FRYL: variants seen among roughly 807,000 people sequenced by gnomAD.
The protein encoded by FRYL is FRY like transcription coactivator, also known as protein furry homolog-like.
A neutral mutation model predicts 351.2 loss-of-function variants in FRYL; 150 were observed. That is an observed-to-expected ratio of 0.43 (90% CI 0.37 to 0.49). The LOEUF (loss-of-function observed/expected upper bound fraction) is 0.49. Among genes scored for constraint, FRYL ranks in the 20% least tolerant of loss-of-function variants. The pLI, the probability that FRYL is intolerant of heterozygous loss-of-function variation, is 0.00. For synonymous variants in FRYL, 1,153 were observed against 1,257.1 expected, an observed-to-expected ratio of 0.92 and a Z score of 1.75; for missense variants, 3,036 against 3,619.3, an observed-to-expected ratio of 0.84 and a Z score of 4.13.
At chr4:48,543,452 C>T (rs146753270) in intron 44 of FRYL, among the ~76,000 whole-genome samples, 362 of 152,244 alleles carry the variant, frequency 2.4e-3, no homozygotes, top group Admixed American at 3.3e-3. Context: ...TTCTCTAGTG[C>T]AACAGTTCAT....
At chr4:48,661,466 G>C (rs1578598876) in intron 3 of FRYL, among the ~76,000 whole-genome samples, 1 of 152,116 alleles carries the variant, frequency 6.6e-6, no homozygotes, top group African/African-American at 2.4e-5. Context: ...CCACAGTAGA[G>C]GTCCCCATTA....
chr4:48,722,449 A>G (rs886218341), intron 1 of FRYL, among the ~76,000 whole-genome samples: 4 of 152,178 alleles, frequency 2.6e-5, no homozygotes, highest in African/African-American at 4.8e-5. Flanking sequence ...CTCAAGCTAT[A>G]TTTTTCCATA....
At chr4:48,593,125 T>C (rs1255107589) in intron 16 of FRYL, among the ~76,000 whole-genome samples, 1 of 152,114 alleles carries the variant, frequency 6.6e-6, no homozygotes, top group African/African-American at 2.4e-5. Context: ...TGATTTTTTT[T>C]GGCATGGGGG....
At chr4:48,628,554 T>C (rs997389961) in intron 4 of FRYL, among the ~76,000 whole-genome samples, 11 of 151,692 alleles carry the variant, frequency 7.3e-5, no homozygotes, top group Admixed American at 7.2e-4. Flanking sequence ...GAGAGATTTG[T>C]TAAAGAATAC....
Position 48,521,081 on chromosome 4 carries a change from A to G in FRYL, c.7656T>C (p.Ala2552=). The change falls in exon 55 of 64, where the codon GCT becomes GCC. Residue 2552 remains alanine (A), a synonymous_variant. Coordinates refer to ENST00000358350, the MANE Select transcript of FRYL (RefSeq NM_015030.2). ...QIRDETPTLE[A]SLDNANSRLP... Reference sequence around the variant, plus strand: ...GCCGGCTGTTAGCATTATCTAGAGAAGCCTCCAAAGTTGGGGTCTCATCCC... The same window carrying G: ...GCCGGCTGTTAGCATTATCTAGAGAGGCCTCCAAAGTTGGGGTCTCATCCC... The G allele has an allele frequency of 6.2e-7, 1 of 1,613,280 alleles. No individual in the cohort carries two copies.
At chr4:48,693,590 C>T (rs1264935683) in intron 2 of FRYL, among the ~76,000 whole-genome samples, 1 of 149,610 alleles carries the variant, frequency 6.7e-6, no homozygotes, top group African/African-American at 2.5e-5. Flanking sequence ...TAGCTTCAAC[C>T]GTTGATACAA....
chr4:48,662,258 T>C (rs541686122), intron 3 of FRYL, among the ~76,000 whole-genome samples: 8 of 151,876 alleles, frequency 5.3e-5, no homozygotes, highest in African/African-American at 1.4e-4. Flanking sequence ...CTGGGCAACA[T>C]AGTGAGACTT....
chr4:48,631,043 G>A (rs1348173649), intron 4 of FRYL, among the ~76,000 whole-genome samples: 1 of 152,150 alleles, frequency 6.6e-6, no homozygotes, highest in African/African-American at 2.4e-5. Context: ...TAGATTAAAT[G>A]TATTTTCATT....
In FRYL at chr4:48,531,215, T is replaced by C; in HGVS notation, c.6844A>G (p.Asn2282Asp). 3 of 1,612,496 alleles carry C rather than the reference T, an allele frequency of 1.9e-6. No individual in the cohort carries two copies. The highest frequency in any genetic ancestry group is 2.5e-6 in the Non-Finnish European group (3 of 1,178,620). ...SPEISFTKIFNNVSKELPGKT... is the reference protein window; with the variant it reads ...SPEISFTKIFDNVSKELPGKT... ...CCAGGCAACTCCTTAGAAACATTAT[T>C]AAAAATTTTAGTGAAGGATATTTCA... Residue 2282 changes from asparagine (N) to aspartate (D), a missense_variant, in exon 50 of 64, where the codon AAT becomes GAT. Asn to Asp is a conservative substitution (Grantham distance 23, BLOSUM62 1). Around this residue, in one of 7 missense-constraint regions of FRYL, gnomAD observed 1,987 missense variants for 2,311.7 expected, o/e 0.86. Coordinates refer to ENST00000358350, the MANE Select transcript of FRYL (RefSeq NM_015030.2).
intron 2 of FRYL, among the ~76,000 whole-genome samples, chr4:48,709,007 C>T (rs1434242210): frequency 2.0e-5 from 3 of 150,744 alleles, no homozygotes; most frequent in Non-Finnish European, 2.9e-5. Flanking sequence ...CTGTAAGCTC[C>T]GCCTCCTGGG....
intron 1 of FRYL, among the ~76,000 whole-genome samples, chr4:48,771,497 A>G (rs1019630042): frequency 9.2e-5 from 14 of 152,230 alleles, no homozygotes; most frequent in Admixed American, 2.0e-4. Flanking sequence ...GAAGTAGACT[A>G]GCAAGTCATT....
intron 25 of FRYL, 120 bp from the exon 26 acceptor site, chr4:48,573,363 A>G: frequency 4.7e-6 from 3 of 636,954 alleles, no homozygotes; most frequent in Non-Finnish European, 8.1e-6. Flanking sequence ...TGTTTTAAAC[A>G]CAATGTCTAT....
At chr4:48,562,739 C>T in intron 32 of FRYL, 150 bp downstream of exon 32, 1 of 565,566 alleles carries the variant, frequency 1.8e-6, no homozygotes, top group Non-Finnish European at 3.2e-6. Context: ...TTGTCTTATA[C>T]TTCTAATAAT....
At position 48,564,118 on chromosome 4, in the gene FRYL, G is replaced by C; in HGVS notation, c.3442-16C>G. 3 of 1,612,026 alleles carry C rather than the reference G, an allele frequency of 1.9e-6. No individual in the cohort carries two copies. The highest frequency in any genetic ancestry group is 1.7e-6 in the Non-Finnish European group (2 of 1,179,386). ...GCTGGTGAACCTAGGTAAAGGTTGT[G>C]AAATTGCCCGAGAGAGAACGTTATA... On this transcript the variant is annotated splice_polypyrimidine_tract_variant and intron_variant, in intron 30 of 63. Transcript: ENST00000358350.
intron 2 of FRYL, among the ~76,000 whole-genome samples, chr4:48,700,636 T>TA (rs995861002): frequency 2.7e-5 from 4 of 150,246 alleles, no homozygotes; most frequent in South Asian, 2.1e-4. Flanking sequence ...ACCCCATCTC[T>TA]AAAAAAAATC....
intron 1 of FRYL, among the ~76,000 whole-genome samples, chr4:48,730,988 G>A (rs1479571996): frequency 9.9e-5 from 15 of 151,868 alleles, no homozygotes; most frequent in African/African-American, 3.6e-4. Context: ...CACGTGCAAC[G>A]CCACACATAG....
intron 8 of FRYL, 121 bp downstream of exon 8, chr4:48,609,622 GA>G (rs5858122): frequency 1.4e-3 from 512 of 362,222 alleles, no homozygotes; most frequent in South Asian, 2.0e-3. Context: ...CTTGCCTCAA[GA>G]AAAAAAAAAA....
At position 48,567,522 on chromosome 4, in the gene FRYL, C is replaced by T. The variant is rs1259562633; in HGVS notation, c.2997-102G>A. 1.2e-6 allele frequency: 1 copy of T among 808,364 alleles called. No homozygotes were observed. Among genetic ancestry groups the T allele is most frequent in the African/African-American group, 1.8e-5 (1 of 56,634 alleles). 50.1% of individuals were successfully genotyped at this position (808,364 alleles called of 1,614,324 possible). A position where few individuals can be genotyped will look rare whatever the true frequency, so the allele number is the denominator to read the frequency against. ...ATCAGAATAATACATGTTAATTTTG[C>T]ATGCTCATGGCAGCACGCAACTTAA... is the stretch of plus-strand genomic sequence containing the variant. On this transcript the variant is annotated intron_variant, in intron 27 of 63. Transcript: ENST00000358350. The surrounding 1 kb of genome is among the most constrained non-coding windows in gnomAD (Gnocchi z 4.2).
At chr4:48,601,862 G>C (rs1452296460) in intron 13 of FRYL, among the ~76,000 whole-genome samples, 158 bp downstream of exon 13, 1 of 152,050 alleles carries the variant, frequency 6.6e-6, no homozygotes, top group Non-Finnish European at 1.5e-5. Flanking sequence ...ATTCCCTATA[G>C]AAGAAATACA....
Sources: gnomAD v4.1 joint callset for allele counts (sites outside exome capture counted in the v4.1 genomes callset) on GRCh38, gnomAD v4.1.1 for gene constraint, gnomAD v4.1.1 regional missense constraint, Gnocchi (gnomAD v3.1) non-coding constraint, MANE v1.5 for transcripts, NCBI Gene and HGNC (gene_info 2026-07-23, HGNC 2026-07-21) for gene names.